Variants in SGK3 observed in about 807,000 individuals in gnomAD.
SGK3 encodes serum/glucocorticoid regulated kinase family member 3.
SGK3 carries 47 observed loss-of-function variants against 68.5 expected under a neutral mutation model. The observed-to-expected ratio is 0.69, with a 90% CI of 0.54 to 0.87. The LOEUF (loss-of-function observed/expected upper bound fraction) is 0.87. Ranked by LOEUF, SGK3 falls within the 40% of genes least tolerant of loss-of-function variation. The pLI is 0.00. For missense variants in SGK3, 479 were observed against 575.5 expected, an observed-to-expected ratio of 0.83 and a Z score of 1.72; for synonymous variants, 181 against 189.1, an observed-to-expected ratio of 0.96 and a Z score of 0.35.
intron 1 of SGK3, among the ~76,000 whole-genome samples, chr8:66,793,292 C>G (rs1235335746): frequency 6.6e-6 from 1 of 152,200 alleles, no homozygotes; most frequent in African/African-American, 2.4e-5. Context: ...TTGACCAGTT[C>G]ATCCTGATAC....
chr8:66,757,016 G>T (rs1805998175), intron 1 of SGK3, among the ~76,000 whole-genome samples: 1 of 151,948 alleles, frequency 6.6e-6, no homozygotes, highest in Non-Finnish European at 1.5e-5. Context: ...TACTTCTGAG[G>T]TTCTTTGCCT....
chr8:66,814,462 C>T (rs778736978), intron 5 of SGK3, among the ~76,000 whole-genome samples: 25 of 151,964 alleles, frequency 1.6e-4, no homozygotes, highest in Non-Finnish European at 3.1e-4. Flanking sequence ...TGTAATCATT[C>T]GAGAAAAAAA....
intron 10 of SGK3, 32 bp from the exon 11 acceptor site, chr8:66,839,971 C>T: frequency 6.3e-7 from 1 of 1,582,820 alleles, no homozygotes; most frequent in Non-Finnish European, 8.7e-7. Flanking sequence ...CTAACATTCT[C>T]TCTCCCCCCA....
At chr8:66,806,814 G>GAAAA (rs71249409) in intron 4 of SGK3, among the ~76,000 whole-genome samples, 3 of 84,636 alleles carry the variant, frequency 3.5e-5, no homozygotes, top group Non-Finnish European at 7.3e-5. Flanking sequence ...ACTCTGTCTC[G>GAAAA]AAAAAAAAAA....
rs142202453 is a variant in SGK3, at chr8:66,847,145, G to A, written c.1075-48G>A. The stretch of plus-strand genomic sequence containing the variant: ...TTAAAGCCATTTTAACCCCATTTGC[G>A]CATAATTTGTTTACCACTAAGTTTA... On this transcript the variant is annotated intron_variant, in intron 14 of 16. Transcript: ENST00000521198. The A allele has an allele frequency of 1.1e-4, 171 of 1,574,266 alleles. 1 individual carries two copies. Among genetic ancestry groups the A allele is most frequent in the African/African-American group, 8.4e-4 (61 of 72,358 alleles).
chr8:66,839,439 T>C (rs1194811765), intron 10 of SGK3, among the ~76,000 whole-genome samples: 4 of 138,954 alleles, frequency 2.9e-5, no homozygotes, highest in Non-Finnish European at 6.2e-5. Context: ...TTTAATGTTA[T>C]CAACTAATTC....
In SGK3 at chr8:66,828,571, A is replaced by G. The variant is rs1585778833; in HGVS notation, c.418-83A>G. On this transcript the variant is annotated intron_variant, in intron 6 of 16. Coordinates refer to ENST00000521198, the MANE Select transcript of SGK3 (RefSeq NM_001033578.3). Reference sequence around the variant, plus strand: ...GCAACAAACCAAATATTTGTGGTACAGTTATAAATACTTTATTTCAAAACA... The same window carrying G: ...GCAACAAACCAAATATTTGTGGTACGGTTATAAATACTTTATTTCAAAACA... 3.1e-5 allele frequency: 49 copies of G among 1,583,028 alleles called. 1 individual carries two copies. In the South Asian group the frequency reaches 5.5e-4, roughly 18 times the overall value.
Position 66,813,918 on chromosome 8 carries a change from C to G in SGK3, c.319C>G (p.Leu107Val). Residue 107 changes from leucine (L) to valine (V), a missense_variant, in exon 5 of 17, where the codon CTT (leucine) becomes GTT (valine). This residue lies in a region of SGK3 where 298 missense variants were observed against 329.4 expected (regional missense o/e 0.90). Transcript: ENST00000521198. ...TCAGAACCTAGTTAGGTATCCAGAA[C>G]TTTATAACCAGTAAGTAATTTTTGT... is the stretch of plus-strand genomic sequence containing the variant. ...FIQNLVRYPELYNHPDVRAFL... is the reference protein window; with the variant it reads ...FIQNLVRYPEVYNHPDVRAFL... 6.3e-7 allele frequency: 1 copy of G among 1,589,166 alleles called. No individual in the cohort carries two copies. Among genetic ancestry groups the G allele is most frequent in the Non-Finnish European group, 8.6e-7 (1 of 1,169,028 alleles).
chr8:66,773,400 T>C (rs1306788097), intron 1 of SGK3, among the ~76,000 whole-genome samples: 4 of 152,128 alleles, frequency 2.6e-5, no homozygotes, highest in African/African-American at 9.7e-5. Flanking sequence ...GATACAGTAT[T>C]ACCCCCTTAT....
chr8:66,737,166 T>C (rs946607176), intron 1 of SGK3: 49 of 152,122 alleles, frequency 3.2e-4, no homozygotes, highest in African/African-American at 1.1e-3. Flanking sequence ...TGCCTTGACT[T>C]TGTTTCTCTG....
chr8:66,716,268 G>A (rs182061223), intron 1 of SGK3, among the ~76,000 whole-genome samples: 4 of 152,276 alleles, frequency 2.6e-5, no homozygotes, highest in South Asian at 4.1e-4. Context: ...TGTAGTTCAC[G>A]TCAAAGTAGT....
At position 66,841,107 on chromosome 8, in the gene SGK3, A is replaced by G; in HGVS notation, c.975A>G (p.Pro325=). 1 of 1,582,704 alleles carries G rather than the reference A, an allele frequency of 6.3e-7. No individual in the cohort carries two copies. The highest frequency in any genetic ancestry group is 1.4e-5 in the African/African-American group (1 of 73,162). The change falls in exon 13 of 17, where the codon CCA becomes CCG. Residue 325 remains proline, a synonymous_variant. Transcript: ENST00000521198. ...CCACTACCACATTTTGTGGGACACC[A>G]GAGGTAAGAAATATATCTCATTGTC... is the stretch of plus-strand genomic sequence containing the variant. The part of the protein sequence containing the change: ...SDTTTTFCGT[P]EYLAPEVIRK...
chr8:66,828,694 G>T lies in SGK3; in HGVS notation c.458G>T (p.Gly153Val), dbSNP rs2130690304. 1 of 1,613,854 alleles carries T rather than the reference G, an allele frequency of 6.2e-7. No individual in the cohort carries two copies. Among genetic ancestry groups the T allele is most frequent in the Middle Eastern group, 1.7e-4 (1 of 6,060 alleles). Reference protein sequence around the residue: ...TSQNINLGPSGNPHAKPTDFD... With the variant: ...TSQNINLGPSVNPHAKPTDFD... ...CAGAACATCAACCTGGGACCGTCTG[G>T]AAATCCTCAGTATGTTTAATTTGCT... The change falls in exon 7 of 17, where the codon GGA becomes GTA. Residue 153 changes from glycine (G) to valine (V), a missense_variant. Around this residue, in one of 3 missense-constraint regions of SGK3, gnomAD observed 298 missense variants for 329.4 expected, o/e 0.90. Coordinates refer to ENST00000521198, the MANE Select transcript of SGK3 (RefSeq NM_001033578.3).
chr8:66,815,518 C>T (rs1490893379), intron 5 of SGK3, among the ~76,000 whole-genome samples: 1 of 152,166 alleles, frequency 6.6e-6, no homozygotes, highest in Non-Finnish European at 1.5e-5. Context: ...TGGGGATATA[C>T]GCTATGCTAT....
At chr8:66,815,119 T>C (rs957360836) in intron 5 of SGK3, among the ~76,000 whole-genome samples, 1 of 152,182 alleles carries the variant, frequency 6.6e-6, no homozygotes, top group Non-Finnish European at 1.5e-5. Flanking sequence ...ATGATTACCA[T>C]TTATATGGTT....
chr8:66,784,175 A>G (rs1807105963), intron 1 of SGK3, among the ~76,000 whole-genome samples: 1 of 152,150 alleles, frequency 6.6e-6, no homozygotes, highest in Admixed American at 6.5e-5. Context: ...TGCTGGGATT[A>G]CAGGTGTCAA....
intron 1 of SGK3, among the ~76,000 whole-genome samples, chr8:66,718,128 C>T (rs1393815765): frequency 2.0e-5 from 3 of 151,804 alleles, no homozygotes; most frequent in South Asian, 2.1e-4. Flanking sequence ...GGGGTTCAAG[C>T]GATTCTCCTG....
intron 3 of SGK3, among the ~76,000 whole-genome samples, chr8:66,801,591 G>A (rs1056337854): frequency 6.6e-6 from 1 of 151,970 alleles, no homozygotes; most frequent in African/African-American, 2.4e-5. Context: ...GGTTATGCTC[G>A]GGTAAAAATG....
chr8:66,820,741 T>A (rs1808777093), intron 5 of SGK3, among the ~76,000 whole-genome samples: 1 of 152,222 alleles, frequency 6.6e-6, no homozygotes, highest in Admixed American at 6.5e-5. Context: ...TGTTGCTTTG[T>A]CACCCATGCT....
Sources: gnomAD v4.1 joint callset for allele counts (sites outside exome capture counted in the v4.1 genomes callset) on GRCh38, gnomAD v4.1.1 for gene constraint, gnomAD v4.1.1 regional missense constraint, MANE v1.5 for transcripts, NCBI Gene and HGNC (gene_info 2026-07-23, HGNC 2026-07-21) for gene names.